The following FAAH2 variants were observed in gnomAD, a reference collection of about 807,000 sequenced individuals.
The protein encoded by FAAH2 is fatty-acid amide hydrolase 2.
In FAAH2, 60 loss-of-function variants were observed where a neutral mutation model predicts 36.9. The ratio of observed to expected loss-of-function variants is 1.63; its 90% CI spans 1.32 to 2.02. FAAH2 has a LOEUF of 2.02. Ranked by LOEUF, FAAH2 falls within the 30% of genes most tolerant of loss-of-function variation. The pLI, the probability that FAAH2 is intolerant of heterozygous loss-of-function variation, is 0.00. For missense variants in FAAH2, 689 were observed against 397.5 expected (o/e 1.73, Z -6.23); for synonymous variants, 214 against 143.8 (o/e 1.49, Z -3.49).
the FAAH2 span, among the ~76,000 whole-genome samples, chrX:57,248,518 C>T: frequency 8.9e-4 from 98 of 110,447 alleles, 5 homozygotes; most frequent in South Asian, 0.036. Context: ...GTTTGGGAGG[C>T]GGAGGCGGGT....
the FAAH2 span, among the ~76,000 whole-genome samples, chrX:57,207,932 G>C: frequency 8.9e-6 from 1 of 112,837 alleles, no homozygotes; most frequent in Non-Finnish European, 1.9e-5. Flanking sequence ...CCCCTGTTTG[G>C]AATGGGGTCT....
intron 6 of FAAH2, among the ~76,000 whole-genome samples, chrX:57,380,363 C>A (rs749870099): frequency 9.0e-6 from 1 of 111,229 alleles, no homozygotes; most frequent in Non-Finnish European, 1.9e-5. Context: ...TGTCTATTTA[C>A]TACTACAGGA....
intron 2 of FAAH2, among the ~76,000 whole-genome samples, chrX:57,302,985 C>T (rs901318474): frequency 2.7e-5 from 3 of 111,384 alleles, no homozygotes; most frequent in Non-Finnish European, 5.6e-5. Context: ...ATCCAATTTC[C>T]TTTATGCCTT....
At chrX:57,437,725 AT>A (rs35817338) in intron 8 of FAAH2, among the ~76,000 whole-genome samples, 31,768 of 100,704 alleles carry the variant, frequency 0.32, 4,290 homozygotes, top group Middle Eastern at 0.54. Context: ...ATATTTATAT[AT>A]TATATATTAT....
rs1049719413 is a variant in FAAH2 at position 57,395,383 on chromosome X, C to T, written c.996+14354C>T. On this transcript the variant is annotated intron_variant, in intron 7 of 10. Transcript: ENST00000374900. ...CCCTTATTTGTGCGGAGATCTCCTT[C>T]CTGTTCAGGATTTCTGCTGGTGCCA... 8 of 718,923 alleles carry T rather than the reference C, an allele frequency of 1.1e-5. No homozygotes were observed. The Admixed American group carries it at 1.1e-4, about 10-fold the overall frequency. 59.2% of individuals were successfully genotyped at this position (718,923 alleles called of 1,213,427 possible). A position where few individuals can be genotyped will look rare whatever the true frequency, so the allele number is the denominator to read the frequency against.
At chrX:57,354,716 G>A (rs1240651204) in intron 5 of FAAH2, among the ~76,000 whole-genome samples, 1 of 110,514 alleles carries the variant, frequency 9.0e-6, no homozygotes, top group African/African-American at 3.3e-5. Context: ...AGAAAATTGA[G>A]ATAAAAAGAC....
chrX:57,460,880 C>T (rs1179387833), intron 10 of FAAH2, among the ~76,000 whole-genome samples: 3 of 111,416 alleles, frequency 2.7e-5, no homozygotes, highest in Non-Finnish European at 5.7e-5. Context: ...AGTCGAGACC[C>T]ATCATTGTGC....
chrX:57,241,167 G>A, the FAAH2 span, among the ~76,000 whole-genome samples: 1 of 111,887 alleles, frequency 8.9e-6, no homozygotes, highest in African/African-American at 3.3e-5. Flanking sequence ...GAGGTTTGTG[G>A]ACTCCTTCTT....
At chrX:57,162,524 A>C in the FAAH2 span, among the ~76,000 whole-genome samples, 1 of 111,183 alleles carries the variant, frequency 9.0e-6, no homozygotes, top group African/African-American at 3.3e-5. Flanking sequence ...TGGTCTTTTC[A>C]CATAGTCCCG....
chrX:57,397,581 G>A (rs977628555), intron 7 of FAAH2, among the ~76,000 whole-genome samples: 2 of 110,713 alleles, frequency 1.8e-5, no homozygotes, highest in African/African-American at 6.6e-5. Flanking sequence ...TCTTCACAGA[G>A]GCTAAAAACA....
At chrX:57,375,314 G>A (rs1249545822) in intron 5 of FAAH2, among the ~76,000 whole-genome samples, 2 of 100,645 alleles carry the variant, frequency 2.0e-5, no homozygotes, top group Non-Finnish European at 4.0e-5. Context: ...TTCTTTGAAT[G>A]TCTGGTAGAA....
chrX:57,378,818 CTT>C, intron 6 of FAAH2, 32 bp downstream of exon 6: 2 of 1,172,128 alleles, frequency 1.7e-6, no homozygotes, highest in Non-Finnish European at 2.3e-6. Flanking sequence ...TCCTTGGACT[CTT>C]ATCCTGACAT....
At chrX:57,173,173 G>A in the FAAH2 span, among the ~76,000 whole-genome samples, 2 of 111,829 alleles carry the variant, frequency 1.8e-5, no homozygotes, top group African/African-American at 6.5e-5. Context: ...TAGGCAGTAT[G>A]GTCATTTTCA....
chrX:57,370,278 AT>A (rs1265221501), intron 5 of FAAH2, among the ~76,000 whole-genome samples: 3 of 111,947 alleles, frequency 2.7e-5, no homozygotes, highest in Non-Finnish European at 5.6e-5. Flanking sequence ...AGATAAAAAA[AT>A]ATAACCCAGA....
At chrX:57,170,661 T>A in the FAAH2 span, among the ~76,000 whole-genome samples, 546 of 106,494 alleles carry the variant, frequency 5.1e-3, 2 homozygotes, top group Non-Finnish European at 8.7e-3. Context: ...GTGGTGTAGA[T>A]CCTACTTATA....
intron 10 of FAAH2, among the ~76,000 whole-genome samples, chrX:57,471,890 CAT>C (rs1443350117): frequency 9.0e-6 from 1 of 111,617 alleles, no homozygotes; most frequent in Non-Finnish European, 1.9e-5. Flanking sequence ...GGTACCAAAA[CAT>C]AGATACAGAC....
intron 7 of FAAH2, chrX:57,381,513 A>C: frequency 1.5e-6 from 1 of 665,300 alleles, no homozygotes; most frequent in Non-Finnish European, 1.8e-6. Flanking sequence ...TTTAAAAGTA[A>C]TTTTTAAACT....
chrX:57,290,298 C>G, intron 1 of FAAH2: 1 of 750,099 alleles, frequency 1.3e-6, no homozygotes, highest in Non-Finnish European at 1.6e-6. Context: ...ATGGAGTGAC[C>G]AGGTACTAGA....
At chrX:57,331,220 A>T (rs1452309510) in intron 3 of FAAH2, among the ~76,000 whole-genome samples, 1 of 111,464 alleles carries the variant, frequency 9.0e-6, no homozygotes, top group African/African-American at 3.3e-5. Flanking sequence ...CTGCTAATCC[A>T]AGTGTCCATG....
Sources: allele counts gnomAD v4.1 joint callset (sites outside exome capture counted in the v4.1 genomes callset), GRCh38; gene constraint gnomAD v4.1.1; transcripts MANE v1.5; gene names NCBI Gene and HGNC (gene_info 2026-07-23, HGNC 2026-07-21).